KALRN: variants seen among roughly 807,000 people sequenced by gnomAD.
KALRN encodes kalirin.
KALRN carries 70 observed loss-of-function variants against 353.7 expected under a neutral mutation model. The ratio of observed to expected loss-of-function variants is 0.20; its 90% CI spans 0.16 to 0.24. KALRN has a LOEUF of 0.24. Ranked by LOEUF, KALRN falls within the 10% of genes least tolerant of loss-of-function variation. KALRN has a pLI of 1.00. For missense variants in KALRN, 2,791 were observed against 3,756.7 expected, an observed-to-expected ratio of 0.74 and a Z score of 6.72; for synonymous variants, 1,391 against 1,434.8, an observed-to-expected ratio of 0.97 and a Z score of 0.69.
intron 34 of KALRN, among the ~76,000 whole-genome samples, chr3:124,628,170 T>TTCCC (rs1190641338): frequency 3.4e-5 from 1 of 29,692 alleles, no homozygotes; most frequent in Non-Finnish European, 5.5e-5. Flanking sequence ...CCTTCCTTCC[T>TTCCC]TCCCTCCCTC....
chr3:124,692,514 T>C (rs548254524), intron 51 of KALRN, among the ~76,000 whole-genome samples: 2 of 152,228 alleles, frequency 1.3e-5, no homozygotes, highest in Non-Finnish European at 2.9e-5. Flanking sequence ...GAGGCCCCAG[T>C]TGGGCTATTT....
At chr3:124,338,200 C>A (rs1451832731) in intron 9 of KALRN, among the ~76,000 whole-genome samples, 2 of 152,026 alleles carry the variant, frequency 1.3e-5, no homozygotes, top group Admixed American at 1.3e-4. Flanking sequence ...TTTGCTCTTG[C>A]TTCTCTAGTT....
chr3:124,569,332 G>T (rs574404314), intron 34 of KALRN, among the ~76,000 whole-genome samples: 2 of 152,144 alleles, frequency 1.3e-5, no homozygotes, highest in Non-Finnish European at 2.9e-5. Context: ...GCAGAAGGTG[G>T]TGGAGAACCG....
chr3:124,202,025 TA>T (rs2075987146), intron 1 of KALRN, among the ~76,000 whole-genome samples: 1 of 152,170 alleles, frequency 6.6e-6, no homozygotes, highest in African/African-American at 2.4e-5. Flanking sequence ...TTGTCACATC[TA>T]ATCAGTCCCA....
chr3:124,093,706 C>G (rs1486166281), intron 1 of KALRN, among the ~76,000 whole-genome samples: 3 of 151,748 alleles, frequency 2.0e-5, no homozygotes, highest in African/African-American at 4.8e-5. Flanking sequence ...TTGAGGGACA[C>G]AAAGATGGAG....
At chr3:124,253,722 T>C (rs371041498) in intron 3 of KALRN, among the ~76,000 whole-genome samples, 4 of 152,220 alleles carry the variant, frequency 2.6e-5, no homozygotes, top group African/African-American at 7.2e-5. Flanking sequence ...TGAAGGTTAA[T>C]TGTGCTCCAT....
In KALRN at chr3:124,046,295, A is replaced by G. The variant is rs557719734; in HGVS notation, c.73+12482A>G. Reference sequence around the variant, plus strand: ...GGTGGGTACCAGCTTCCCCAAAGTTAGGAAAGAATGAGATTTCTGGGCAAA... The same window carrying G: ...GGTGGGTACCAGCTTCCCCAAAGTTGGGAAAGAATGAGATTTCTGGGCAAA... On this transcript the variant is annotated intron_variant, in intron 1 of 59. Coordinates refer to ENST00000682506, the MANE Select transcript of KALRN (RefSeq NM_001388419.1). Among the ~76,000 whole-genome samples the G allele has an allele frequency of 6.7e-4, 102 of 152,314 alleles. 1 individual carries two copies. Among genetic ancestry groups the G allele is most frequent in the Admixed American group, 6.7e-3 (102 of 15,296 alleles).
chr3:124,274,136 G>A (rs963963310), intron 5 of KALRN, among the ~76,000 whole-genome samples: 8 of 152,256 alleles, frequency 5.3e-5, no homozygotes, highest in African/African-American at 9.6e-5. Context: ...ATCCTCCCCC[G>A]ACACACCCCT....
chr3:124,301,001 A>T (rs74378510), intron 6 of KALRN, among the ~76,000 whole-genome samples: 1 of 152,114 alleles, frequency 6.6e-6, no homozygotes, highest in East Asian at 1.9e-4. Context: ...TGCCTTGTGG[A>T]TTTTCCCTGG....
At chr3:124,169,910 A>G (rs147682446) in intron 1 of KALRN, among the ~76,000 whole-genome samples, 1 of 152,296 alleles carries the variant, frequency 6.6e-6, no homozygotes, top group East Asian at 1.9e-4. Flanking sequence ...TAGAGAAGGA[A>G]GTAAGATCAG....
chr3:124,699,924 C>T lies in KALRN; in HGVS notation c.7887C>T (p.Ile2629=), dbSNP rs370254434. The T allele has an allele frequency of 5.2e-5, 84 of 1,614,182 alleles. No homozygotes were observed. Among genetic ancestry groups the T allele is most frequent in the Non-Finnish European group, 6.1e-5 (72 of 1,180,010 alleles). ...VASTLDTYLV[I]EDLSPGCPYQ... The stretch of plus-strand genomic sequence containing the variant: ...CGACCTTGGACACTTACCTCGTCAT[C>T]GAAGACCTTAGTCCCGGGTGTCCTT... Residue 2629 remains isoleucine (I), a synonymous_variant, in exon 56 of 60, where the codon ATC becomes ATT. Transcript: ENST00000682506.
intron 1 of KALRN, among the ~76,000 whole-genome samples, chr3:124,145,242 A>G (rs940873116): frequency 6.6e-6 from 1 of 152,156 alleles, no homozygotes; most frequent in Non-Finnish European, 1.5e-5. Flanking sequence ...TCCCTCATTC[A>G]TCTACTCAAC....
intron 34 of KALRN, among the ~76,000 whole-genome samples, chr3:124,602,678 A>G (rs575460892): frequency 6.6e-6 from 1 of 152,212 alleles, no homozygotes; most frequent in African/African-American, 2.4e-5. Context: ...GATATACTCC[A>G]TCTAAGTTAG....
intron 1 of KALRN, among the ~76,000 whole-genome samples, chr3:124,202,844 C>G (rs141005623): frequency 6.6e-6 from 1 of 152,178 alleles, no homozygotes; most frequent in Admixed American, 6.5e-5. Flanking sequence ...CTTCTAGAGT[C>G]TCTGGAGCTC....
At chr3:124,638,300 G>A (rs934698268) in intron 37 of KALRN, among the ~76,000 whole-genome samples, 1 of 150,100 alleles carries the variant, frequency 6.7e-6, no homozygotes, top group Non-Finnish European at 1.5e-5. Flanking sequence ...ATACATATGA[G>A]TTTATTCTTT....
chr3:124,547,588 T>A (rs2069853728), intron 33 of KALRN, among the ~76,000 whole-genome samples: 1 of 152,176 alleles, frequency 6.6e-6, no homozygotes, highest in Non-Finnish European at 1.5e-5. Flanking sequence ...TTATAGGGCA[T>A]GAGCCACCAT....
At chr3:124,461,758 A>G in intron 23 of KALRN, 132 bp from the exon 24 acceptor site, 2 of 657,674 alleles carry the variant, frequency 3.0e-6, no homozygotes. Flanking sequence ...TGAAGAAAGG[A>G]AAAGACCTGT....
intron 56 of KALRN, among the ~76,000 whole-genome samples, chr3:124,700,331 C>G (rs1479766675): frequency 1.3e-5 from 2 of 152,080 alleles, no homozygotes; most frequent in African/African-American, 2.4e-5. Flanking sequence ...TCTTCTGAGA[C>G]AGTAATACAA....
rs1476168549 is a variant in KALRN, at chr3:124,033,445, A to ACCCCGGCCCCGGG, written c.-285_-273dup. On this transcript the variant is annotated 5_prime_UTR_variant, in exon 1 of 60. Transcript: ENST00000682506. This position sits in a 1 kb window ranked among gnomAD's most constrained non-coding sequence, Gnocchi z 6.2. ...GACAGCGGGCGCCCAGGCAGCCCGCACCCCGGCCCCGGGCCCCGGCCCCAG... is the reference window on the plus strand; with the variant it reads ...GACAGCGGGCGCCCAGGCAGCCCGCACCCCGGCCCCGGGCCCCGGCCCCGGGCCCCGGCCCCAG... 2.0e-5 allele frequency among the ~76,000 whole-genome samples: 3 copies of ACCCCGGCCCCGGG among 150,622 alleles called. No homozygotes were observed. The highest frequency in any genetic ancestry group is 7.3e-5 in the African/African-American group (3 of 41,000).
Sources: allele counts gnomAD v4.1 joint callset (sites outside exome capture counted in the v4.1 genomes callset), GRCh38; gene constraint gnomAD v4.1.1; non-coding constraint Gnocchi (gnomAD v3.1); transcripts MANE v1.5; gene names NCBI Gene and HGNC (gene_info 2026-07-23, HGNC 2026-07-21).